WDR70: variants seen among roughly 807,000 people sequenced by gnomAD.
WDR70 encodes WD repeat-containing protein 70.
WDR70 carries 53 observed loss-of-function variants against 88.6 expected under a neutral mutation model. The ratio of observed to expected loss-of-function variants is 0.60; its 90% CI spans 0.48 to 0.75. The LOEUF is 0.75. Ranked by LOEUF, WDR70 falls within the 30% of genes least tolerant of loss-of-function variation. WDR70 has a pLI of 0.00. For missense variants in WDR70, 610 were observed against 823.2 expected, an observed-to-expected ratio of 0.74 and a Z score of 3.17; for synonymous variants, 280 against 270.0, an observed-to-expected ratio of 1.04 and a Z score of -0.36.
chr5:37,649,076 A>G (rs546931740), intron 10 of WDR70, among the ~76,000 whole-genome samples: 18 of 152,334 alleles, frequency 1.2e-4, no homozygotes, highest in Non-Finnish European at 2.4e-4. Flanking sequence ...CCAAAATAAG[A>G]TATTAAAAAG....
intron 9 of WDR70, among the ~76,000 whole-genome samples, chr5:37,554,775 T>C (rs1742252113): frequency 6.6e-6 from 1 of 151,936 alleles, no homozygotes; most frequent in Admixed American, 6.6e-5. Context: ...GGTGTAATCA[T>C]AGTGCACTAC....
At position 37,678,958 on chromosome 5, in the gene WDR70, C is replaced by T. The variant is rs1372397381; in HGVS notation, c.1093-18697C>T. ...TTTTATTCTTTTTTCTCTAAACTTC[C>T]CTTCTCGCTTCATTTCATTCATTTC... On this transcript the variant is annotated intron_variant, in intron 10 of 17. Coordinates refer to ENST00000265107, the MANE Select transcript of WDR70 (RefSeq NM_018034.4). Among the ~76,000 whole-genome samples, 17 of 152,178 alleles carry T rather than the reference C, an allele frequency of 1.1e-4. No individual in the cohort carries two copies. The East Asian group carries it at 3.1e-3, about 28-fold the overall frequency.
chr5:37,688,433 C>T (rs1431396101), intron 10 of WDR70, among the ~76,000 whole-genome samples: 1 of 152,106 alleles, frequency 6.6e-6, no homozygotes, highest in African/African-American at 2.4e-5. Flanking sequence ...TATTGCTTAA[C>T]ATTAAAAACA....
At chr5:37,695,121 G>A (rs1411253598) in intron 10 of WDR70, among the ~76,000 whole-genome samples, 1 of 152,182 alleles carries the variant, frequency 6.6e-6, no homozygotes. Flanking sequence ...CTTGGTAGAA[G>A]GCAAAGGGGG....
intron 3 of WDR70, among the ~76,000 whole-genome samples, chr5:37,386,429 C>CAATTT (rs1379932139): frequency 2.0e-5 from 3 of 152,018 alleles, no homozygotes; most frequent in Non-Finnish European, 4.4e-5. Context: ...CTGGTTCAAG[C>CAATTT]AATTCTCCTG....
intron 5 of WDR70, among the ~76,000 whole-genome samples, chr5:37,417,087 G>A (rs1749779340): frequency 1.3e-5 from 2 of 152,090 alleles, no homozygotes; most frequent in African/African-American, 2.4e-5. Context: ...GACACTGCTA[G>A]TATGGATCAA....
chr5:37,387,283 T>A (rs775509948), intron 3 of WDR70, among the ~76,000 whole-genome samples: 32 of 152,292 alleles, frequency 2.1e-4, no homozygotes, highest in Admixed American at 6.5e-4. Context: ...TTGAAGAGAT[T>A]AAGATGTTGG....
intron 12 of WDR70, among the ~76,000 whole-genome samples, chr5:37,701,785 CAAA>C (rs58402399): frequency 0.46 from 53,484 of 115,050 alleles, 11,192 homozygotes; most frequent in East Asian, 0.54. Flanking sequence ...GACTCCATCT[CAAA>C]AAAAAAAAAA....
Position 37,575,617 on chromosome 5 carries a change from C to A in WDR70, c.918-29447C>A, listed in dbSNP as rs1743029819. Among the ~76,000 whole-genome samples, 3 of 152,198 alleles carry A rather than the reference C, an allele frequency of 2.0e-5. No individual in the cohort carries two copies. The South Asian group carries it at 6.2e-4, about 32-fold the overall frequency. On this transcript the variant is annotated intron_variant, in intron 9 of 17. Transcript: ENST00000265107. Reference sequence around the variant, plus strand: ...TACAACCACATGCCAGGAGCCTACCCAACTCCGTAGAGACAGAAGCTCTTG... The same window carrying A: ...TACAACCACATGCCAGGAGCCTACCAAACTCCGTAGAGACAGAAGCTCTTG...
At chr5:37,613,101 G>A (rs1744231119) in intron 10 of WDR70, among the ~76,000 whole-genome samples, 1 of 152,150 alleles carries the variant, frequency 6.6e-6, no homozygotes, top group South Asian at 2.1e-4. Flanking sequence ...TGTTACACAT[G>A]CTGTTAGAAG....
intron 10 of WDR70, among the ~76,000 whole-genome samples, chr5:37,692,045 A>G (rs893218568): frequency 2.0e-5 from 3 of 152,238 alleles, no homozygotes; most frequent in African/African-American, 7.2e-5. Flanking sequence ...TCCCACAGAA[A>G]TACAAACTAC....
At chr5:37,590,871 A>G (rs1309416623) in intron 9 of WDR70, among the ~76,000 whole-genome samples, 1 of 152,228 alleles carries the variant, frequency 6.6e-6, no homozygotes, top group African/African-American at 2.4e-5. Context: ...TGGAGACCCA[A>G]AAAACCAAAA....
chr5:37,564,983 T>G (rs1742695886), intron 9 of WDR70, among the ~76,000 whole-genome samples: 2 of 152,216 alleles, frequency 1.3e-5, no homozygotes, highest in South Asian at 4.1e-4. Context: ...ACATTTGTAG[T>G]TACTTACGTA....
At chr5:37,510,344 A>G (rs1026356863) in intron 8 of WDR70, among the ~76,000 whole-genome samples, 3 of 152,236 alleles carry the variant, frequency 2.0e-5, no homozygotes, top group Middle Eastern at 3.2e-3. Flanking sequence ...ATATGCATAT[A>G]AATTACATAT....
At chr5:37,455,708 C>G (rs562800797) in intron 7 of WDR70, among the ~76,000 whole-genome samples, 132 of 87,244 alleles carry the variant, frequency 1.5e-3, no homozygotes, top group Admixed American at 3.4e-3. Flanking sequence ...ATTTTCTACT[C>G]TTTTAATGAA....
chr5:37,675,305 A>G lies in WDR70; in HGVS notation c.1093-22350A>G, dbSNP rs113077347. Among the ~76,000 whole-genome samples, 24 of 152,066 alleles carry G rather than the reference A, an allele frequency of 1.6e-4. 1 individual carries two copies. The East Asian group carries it at 3.9e-3, about 24-fold the overall frequency. On this transcript the variant is annotated intron_variant, in intron 10 of 17. Coordinates refer to ENST00000265107, the MANE Select transcript of WDR70 (RefSeq NM_018034.4). Reference sequence around the variant, plus strand: ...TTGGTGTTTTAGACATGAAGTCCTTACCCATGCCTATGTCCTGAATGGTAA... The same window carrying G: ...TTGGTGTTTTAGACATGAAGTCCTTGCCCATGCCTATGTCCTGAATGGTAA...
chr5:37,505,634 A>G (rs1041637363), intron 8 of WDR70: 2 of 769,174 alleles, frequency 2.6e-6, no homozygotes, highest in Non-Finnish European at 4.8e-6. Flanking sequence ...GAGAAAGAAA[A>G]GTGATAAGGA....
intron 8 of WDR70, chr5:37,506,063 G>C (rs1205759004): frequency 1.8e-5 from 23 of 1,311,050 alleles, no homozygotes; most frequent in Non-Finnish European, 2.3e-5. Context: ...CTGATCCAGA[G>C]AGATCACCTC....
chr5:37,628,518 A>G (rs977707949), intron 10 of WDR70, among the ~76,000 whole-genome samples: 20 of 152,220 alleles, frequency 1.3e-4, no homozygotes, highest in Admixed American at 7.2e-4. Context: ...TTTGTCTGAC[A>G]TAAGCATAGC....
Sources: gnomAD v4.1 joint callset for allele counts (sites outside exome capture counted in the v4.1 genomes callset) on GRCh38, gnomAD v4.1.1 for gene constraint, MANE v1.5 for transcripts, NCBI Gene and HGNC (gene_info 2026-07-23, HGNC 2026-07-21) for gene names.